Variants in SCARB1 observed in about 807,000 individuals in gnomAD.
SCARB1 encodes the protein scavenger receptor class B member 1, also known as CD36 and LIMPII analogous 1.
In SCARB1, 30 loss-of-function variants were observed where a neutral mutation model predicts 57.2. That is an observed-to-expected ratio of 0.52 (90% CI 0.39 to 0.71). SCARB1 has a LOEUF of 0.71. SCARB1 is among the 30% of genes least tolerant of loss of function. The pLI is 0.00. For synonymous variants in SCARB1, 249 were observed against 268.3 expected (o/e 0.93, Z 0.70); for missense variants, 543 against 671.2 (o/e 0.81, Z 2.11).
chr12:124,850,268 G>A (rs879683954), intron 1 of SCARB1, among the ~76,000 whole-genome samples: 5 of 151,958 alleles, frequency 3.3e-5, no homozygotes, highest in Admixed American at 3.3e-4. Context: ...AACTACTCAG[G>A]AGGCTGAGGC....
Position 124,778,479 on chromosome 12 carries a change from G to T in SCARB1, c.*108C>A, listed in dbSNP as rs751263740. On this transcript the variant is annotated 3_prime_UTR_variant, in exon 13 of 13. Coordinates refer to ENST00000261693, the MANE Select transcript of SCARB1 (RefSeq NM_005505.5). ...GCAGCTGGGAGGCTCAGGCTGTGGGGCTGGGGGGCTGTCCGCTGGGAGAGT... is the reference window on the plus strand; with the variant it reads ...GCAGCTGGGAGGCTCAGGCTGTGGGTCTGGGGGGCTGTCCGCTGGGAGAGT... 37 of 1,345,170 alleles carry T rather than the reference G, an allele frequency of 2.8e-5. No homozygotes were observed. The highest frequency in any genetic ancestry group is 3.4e-5 in the Non-Finnish European group (36 of 1,045,980). The allele number at this position is 1,345,170 out of a possible 1,614,324, so 83.3% of individuals were successfully genotyped here.
chr12:124,844,072 C>T (rs900305855), intron 1 of SCARB1, among the ~76,000 whole-genome samples: 7 of 152,062 alleles, frequency 4.6e-5, no homozygotes, highest in South Asian at 2.1e-4. Context: ...TGGAGAAGTA[C>T]AAGGCAGCAG....
chr12:124,834,226 C>T (rs4765180), intron 1 of SCARB1, among the ~76,000 whole-genome samples: 74,455 of 152,154 alleles, frequency 0.49, 18,853 homozygotes, highest in African/African-American at 0.62. Flanking sequence ...TGAGCTCCCA[C>T]GGGACACACG....
rs970712594 is a variant in SCARB1, at chr12:124,777,173, T to C, written c.*1414A>G. On this transcript the variant is annotated 3_prime_UTR_variant, in exon 13 of 13. Coordinates refer to ENST00000261693, the MANE Select transcript of SCARB1 (RefSeq NM_005505.5). ...GAGAAAATTCCATCCTTTGCAATGATCTACACTTAAGATGAGAACTTTTAG... is the reference window on the plus strand; with the variant it reads ...GAGAAAATTCCATCCTTTGCAATGACCTACACTTAAGATGAGAACTTTTAG... 6.6e-6 allele frequency: 1 copy of C among 152,200 alleles called. No individual in the cohort carries two copies. The highest frequency in any genetic ancestry group is 1.5e-5 in the Non-Finnish European group (1 of 68,040). 9.4% of individuals were successfully genotyped at this position (152,200 alleles called of 1,614,324 possible). A position where few individuals can be genotyped will look rare whatever the true frequency, so the allele number is the denominator to read the frequency against.
intron 1 of SCARB1, among the ~76,000 whole-genome samples, chr12:124,825,091 G>A (rs986894792): frequency 6.6e-6 from 1 of 151,948 alleles, no homozygotes; most frequent in Non-Finnish European, 1.5e-5. Flanking sequence ...CAGGCGTGGT[G>A]GCAGATGCCT....
intron 1 of SCARB1, among the ~76,000 whole-genome samples, chr12:124,830,643 G>A (rs552645166): frequency 6.6e-6 from 1 of 152,264 alleles, no homozygotes; most frequent in South Asian, 2.1e-4. Context: ...CAGGACCTCA[G>A]GGGTGGATAC....
At chr12:124,831,449 A>G (rs1205719420) in intron 1 of SCARB1, among the ~76,000 whole-genome samples, 1 of 152,066 alleles carries the variant, frequency 6.6e-6, no homozygotes, top group African/African-American at 2.4e-5. Context: ...AGGGTTGGGT[A>G]CTCTTCAGAT....
chr12:124,823,591 G>A (rs561842856), intron 1 of SCARB1, among the ~76,000 whole-genome samples: 4 of 152,146 alleles, frequency 2.6e-5, no homozygotes, highest in Non-Finnish European at 4.4e-5. Flanking sequence ...ACGATCAAAC[G>A]CAAAGTTACC....
At position 124,863,664 on chromosome 12, in the gene SCARB1, T is replaced by G. The variant is rs1483708524; in HGVS notation, c.57A>C (p.Leu19=). The part of the protein sequence containing the change: ...WAAGALGVAG[L]LCAVLGAVMI... ...TGACAGCGCCCAGCACAGCGCACAG[T>G]AGCCCCGCGACGCCCAGCGCCCCGG... The change falls in exon 1 of 13, where the codon CTA becomes CTC. Residue 19 remains leucine, a synonymous_variant. Coordinates refer to ENST00000261693, the MANE Select transcript of SCARB1 (RefSeq NM_005505.5). The G allele has an allele frequency of 1.9e-6, 3 of 1,577,240 alleles. No individual in the cohort carries two copies. The East Asian group carries it at 7.2e-5, about 38-fold the overall frequency.
rs1949950914 is a variant in SCARB1 at position 124,796,573 on chromosome 12, A to G, written c.1129-1305T>C. On this transcript the variant is annotated intron_variant, in intron 8 of 12. Coordinates refer to ENST00000261693, the MANE Select transcript of SCARB1 (RefSeq NM_005505.5). This position sits in a 1 kb window ranked among gnomAD's most constrained non-coding sequence, Gnocchi z 4.0. Reference sequence around the variant, plus strand: ...AGAGTCGCGTCCTCATCTGTAAAACAGAGAGAACTCTCCCGACCTGACAGA... The same window carrying G: ...AGAGTCGCGTCCTCATCTGTAAAACGGAGAGAACTCTCCCGACCTGACAGA... Among the ~76,000 whole-genome samples, 1 of 152,260 alleles carries G rather than the reference A, an allele frequency of 6.6e-6. No homozygotes were observed. Among genetic ancestry groups the G allele is most frequent in the African/African-American group, 2.4e-5 (1 of 41,470 alleles).
intron 1 of SCARB1, chr12:124,821,330 C>T (rs1950949849): frequency 1.0e-6 from 1 of 979,234 alleles, no homozygotes. Context: ...CACCTGGTTT[C>T]TCAGCAGAGG....
intron 1 of SCARB1, among the ~76,000 whole-genome samples, chr12:124,842,493 GT>G (rs1404874789): frequency 1.3e-5 from 2 of 152,240 alleles, no homozygotes; most frequent in Non-Finnish European, 2.9e-5. Context: ...CAGCATCCCA[GT>G]CCCTGTCTCT....
intron 9 of SCARB1, 24 bp downstream of exon 9, chr12:124,795,171 C>T: frequency 1.3e-6 from 2 of 1,596,062 alleles, no homozygotes; most frequent in South Asian, 1.1e-5. Flanking sequence ...AGCAATGCAG[C>T]CCCAGCTCCC....
At chr12:124,836,529 A>C (rs1364982318) in intron 1 of SCARB1, among the ~76,000 whole-genome samples, 1 of 152,230 alleles carries the variant, frequency 6.6e-6, no homozygotes, top group Non-Finnish European at 1.5e-5. Flanking sequence ...GTGGTGGCTC[A>C]CACCTGTAAT....
At chr12:124,792,553 C>T (rs761761674) in intron 9 of SCARB1, among the ~76,000 whole-genome samples, 7 of 151,820 alleles carry the variant, frequency 4.6e-5, no homozygotes, top group Non-Finnish European at 1.0e-4. Flanking sequence ...GAAATCCTGT[C>T]TCCACTAAAA....
chr12:124,803,858 C>G (rs989698532), intron 7 of SCARB1, among the ~76,000 whole-genome samples: 1 of 152,040 alleles, frequency 6.6e-6, no homozygotes, highest in African/African-American at 2.4e-5. Flanking sequence ...GCACTTGAGC[C>G]TGGGCAACAG....
chr12:124,854,280 C>T (rs960116083), intron 1 of SCARB1, among the ~76,000 whole-genome samples: 1 of 152,122 alleles, frequency 6.6e-6, no homozygotes, highest in Non-Finnish European at 1.5e-5. Flanking sequence ...AGAGCTAAGG[C>T]GATTGGGCCC....
intron 1 of SCARB1, among the ~76,000 whole-genome samples, chr12:124,846,758 A>G (rs894747845): frequency 8.8e-5 from 12 of 135,716 alleles, no homozygotes; most frequent in Admixed American, 4.5e-4. Flanking sequence ...AAAAAAAAAA[A>G]GACAGATGAA....
chr12:124,785,549 T>G (rs1317802507), intron 11 of SCARB1: 9 of 154,996 alleles, frequency 5.8e-5, no homozygotes, highest in Non-Finnish European at 1.4e-5. Context: ...AAGCTCCATC[T>G]GTCCTTGTCC....
Sources: gnomAD v4.1 joint callset for allele counts (sites outside exome capture counted in the v4.1 genomes callset) on GRCh38, gnomAD v4.1.1 for gene constraint, Gnocchi (gnomAD v3.1) non-coding constraint, MANE v1.5 for transcripts, NCBI Gene and HGNC (gene_info 2026-07-23, HGNC 2026-07-21) for gene names.